TRIM9: variants seen among roughly 807,000 people sequenced by gnomAD.
TRIM9 encodes E3 ubiquitin-protein ligase TRIM9.
In TRIM9, 26 loss-of-function variants were observed where a neutral mutation model predicts 78.3. The observed-to-expected ratio is 0.33, with a 90% CI of 0.24 to 0.46. The LOEUF is 0.46. Ranked by LOEUF, TRIM9 falls within the 20% of genes least tolerant of loss-of-function variation. The pLI, the probability that TRIM9 is intolerant of heterozygous loss-of-function variation, is 1.00. For missense variants in TRIM9, 787 were observed against 1,036.4 expected (o/e 0.76, Z 3.30); for synonymous variants, 398 against 416.5 (o/e 0.96, Z 0.54).
At chr14:51,011,052 G>A (rs2056511079) in intron 3 of TRIM9, among the ~76,000 whole-genome samples, 1 of 152,316 alleles carries the variant, frequency 6.6e-6, no homozygotes, top group Non-Finnish European at 1.5e-5. Flanking sequence ...GGAAGGCCAA[G>A]GTGGAGCTTG....
At chr14:51,025,419 A>ACACAG in intron 1 of TRIM9, 59 bp from the exon 2 acceptor site, 9 of 1,441,826 alleles carry the variant, frequency 6.2e-6, no homozygotes, top group Admixed American at 3.5e-5. Context: ...CAACAAGGCC[A>ACACAG]GCGAGACTCA....
chr14:51,043,667 T>C (rs954561783), intron 1 of TRIM9, among the ~76,000 whole-genome samples: 14 of 152,232 alleles, frequency 9.2e-5, no homozygotes, highest in African/African-American at 2.9e-4. Flanking sequence ...CTATGGGATA[T>C]GCACAGAGTT....
At chr14:51,025,171 G>A (rs1596203919) in intron 2 of TRIM9, 94 bp downstream of exon 2, 4 of 1,136,966 alleles carry the variant, frequency 3.5e-6, no homozygotes, top group South Asian at 1.4e-5. Context: ...ATTTTCCCAC[G>A]ACACATAAAA....
chr14:51,054,917 C>T (rs2060774883), intron 1 of TRIM9, among the ~76,000 whole-genome samples: 1 of 151,798 alleles, frequency 6.6e-6, no homozygotes, highest in Admixed American at 6.6e-5. Context: ...GCAACCTCTG[C>T]CTCCTGGGTT....
chr14:51,013,669 A>C (rs924107541), intron 3 of TRIM9, among the ~76,000 whole-genome samples: 3 of 152,206 alleles, frequency 2.0e-5, no homozygotes, highest in African/African-American at 7.2e-5. Context: ...GATCAAATTT[A>C]AAATTCACTG....
chr14:51,074,391 T>C (rs975101761), intron 1 of TRIM9, among the ~76,000 whole-genome samples: 10 of 152,212 alleles, frequency 6.6e-5, no homozygotes, highest in African/African-American at 2.4e-4. Flanking sequence ...AATAATACTG[T>C]CTTCCCCCAA....
chr14:50,989,275 A>G (rs1490890991), intron 7 of TRIM9, among the ~76,000 whole-genome samples: 1 of 152,226 alleles, frequency 6.6e-6, no homozygotes, highest in Non-Finnish European at 1.5e-5. Flanking sequence ...GTTTAGCCGA[A>G]TCACACTTAA....
At chr14:51,007,697 A>T (rs2056001696) in intron 5 of TRIM9, among the ~76,000 whole-genome samples, 1 of 152,154 alleles carries the variant, frequency 6.6e-6, no homozygotes, top group South Asian at 2.1e-4. Context: ...CACTCAATAA[A>T]TGCTAAACAT....
intron 1 of TRIM9, among the ~76,000 whole-genome samples, chr14:51,061,249 C>T (rs774664273): frequency 1.9e-4 from 29 of 151,662 alleles, no homozygotes; most frequent in Non-Finnish European, 3.1e-4. Context: ...CCTGTCTCTA[C>T]GAAAAATATA....
At chr14:51,084,204 CA>C (rs2063557977) in intron 1 of TRIM9, among the ~76,000 whole-genome samples, 1 of 152,020 alleles carries the variant, frequency 6.6e-6, no homozygotes, top group South Asian at 2.1e-4. Context: ...GTGACCAGAG[CA>C]ACCAGAAATC....
At chr14:51,075,131 A>C (rs2062647898) in intron 1 of TRIM9, among the ~76,000 whole-genome samples, 1 of 152,130 alleles carries the variant, frequency 6.6e-6, no homozygotes, top group Admixed American at 6.5e-5. Flanking sequence ...TATTTTATAC[A>C]CGAGAAGCTA....
At chr14:51,079,003 C>T (rs918852394) in intron 1 of TRIM9, among the ~76,000 whole-genome samples, 1 of 152,038 alleles carries the variant, frequency 6.6e-6, no homozygotes, top group African/African-American at 2.4e-5. Context: ...TGTTGTAAAC[C>T]TCAAATATGC....
At chr14:50,998,396 T>C (rs1298363216) in intron 6 of TRIM9, among the ~76,000 whole-genome samples, 3 of 152,152 alleles carry the variant, frequency 2.0e-5, no homozygotes, top group African/African-American at 4.8e-5. Flanking sequence ...CCTTATGAGG[T>C]TGGTGTGAGG....
chr14:51,022,786 G>A (rs757798486), intron 3 of TRIM9, 49 bp downstream of exon 3: 12 of 1,609,420 alleles, frequency 7.5e-6, no homozygotes, highest in African/African-American at 1.3e-5. Context: ...CATGCCCCTC[G>A]GGAGCCTGGC....
intron 12 of TRIM9, chr14:50,978,973 G>T: frequency 8.9e-7 from 1 of 1,125,748 alleles, no homozygotes; most frequent in South Asian, 3.9e-5. Context: ...AAGATGCTCA[G>T]ATTTTCTGAT....
intron 1 of TRIM9, among the ~76,000 whole-genome samples, chr14:51,027,314 T>A (rs764747927): frequency 6.6e-6 from 1 of 151,986 alleles, no homozygotes; most frequent in East Asian, 1.9e-4. Context: ...GAGTGAACTT[T>A]TGTATTTTTA....
chr14:51,039,359 A>G (rs2059408173), intron 1 of TRIM9, among the ~76,000 whole-genome samples: 1 of 152,260 alleles, frequency 6.6e-6, no homozygotes, highest in Non-Finnish European at 1.5e-5. Context: ...AGTTTTATTT[A>G]TAATAGCCCC....
rs150970644 is a variant in TRIM9, at chr14:51,047,193, C to G, written c.823-21833G>C. 5.3e-5 allele frequency among the ~76,000 whole-genome samples: 8 copies of G among 152,238 alleles called. No homozygotes were observed. In the East Asian group the frequency reaches 1.5e-3, roughly 29 times the overall value. ...TCTCTGGGCCTTTTAACATTCTGTC[C>G]CTTTTTTCCTAGAATTCCCTTTCCC... On this transcript the variant is annotated intron_variant, in intron 1 of 12. Coordinates refer to ENST00000684578, the MANE Select transcript of TRIM9 (RefSeq NM_001387360.1).
At chr14:51,062,077 G>A (rs975384940) in intron 1 of TRIM9, among the ~76,000 whole-genome samples, 1 of 150,678 alleles carries the variant, frequency 6.6e-6, no homozygotes, top group Non-Finnish European at 1.5e-5. Flanking sequence ...GCTATATCCA[G>A]TCTGTTATTA....
Sources: allele counts gnomAD v4.1 joint callset (sites outside exome capture counted in the v4.1 genomes callset), GRCh38; gene constraint gnomAD v4.1.1; transcripts MANE v1.5; gene names NCBI Gene and HGNC (gene_info 2026-07-23, HGNC 2026-07-21).